The following TRIM14 variants were observed in gnomAD, a reference collection of about 807,000 sequenced individuals.
TRIM14 encodes the protein tripartite motif-containing protein 14.
A neutral mutation model predicts 44.5 loss-of-function variants in TRIM14; 28 were observed. The ratio of observed to expected loss-of-function variants is 0.63; its 90% CI spans 0.47 to 0.86. TRIM14 has a LOEUF of 0.86. TRIM14 is among the 40% of genes least tolerant of loss of function. TRIM14 has a pLI of 0.00. For synonymous variants in TRIM14, 299 were observed against 269.2 expected, an observed-to-expected ratio of 1.11 and a Z score of -1.08; for missense variants, 607 against 611.1, an observed-to-expected ratio of 0.99 and a Z score of 0.07.
chr9:98,119,055 G>T lies in TRIM14; in HGVS notation c.134C>A (p.Ala45Glu). The part of the protein sequence containing the change: ...FCRRCRRCVC[A>E]LCPVLGAHRG... ...GTGCGCGCCCAGCACCGGGCAAAGC[G>T]CGCACACGCAGCGGCGGCAGCGGCG... is the stretch of plus-strand genomic sequence containing the variant. Residue 45 changes from alanine (A) to glutamate (E), a missense_variant, in exon 1 of 6, where the codon GCG becomes GAG. By Grantham distance (107) the Ala-to-Glu change is moderately radical. Around this residue, in one of 3 missense-constraint regions of TRIM14, gnomAD observed 246 missense variants for 270.8 expected, o/e 0.91. Coordinates refer to ENST00000341469, the MANE Select transcript of TRIM14 (RefSeq NM_014788.4). 1 of 1,580,590 alleles carries T rather than the reference G, an allele frequency of 6.3e-7. No individual in the cohort carries two copies. The highest frequency in any genetic ancestry group is 8.5e-7 in the Non-Finnish European group (1 of 1,173,120).
downstream of TRIM14, chr9:98,081,611 G>A (rs1829866022): frequency 6.5e-6 from 1 of 153,330 alleles, no homozygotes; most frequent in South Asian, 2.0e-4. Flanking sequence ...CAGAGGAACT[G>A]GTGGGCCTAG....
chr9:98,040,527 C>T, the TRIM14 span, among the ~76,000 whole-genome samples: 3 of 151,972 alleles, frequency 2.0e-5, no homozygotes, highest in African/African-American at 7.2e-5. Flanking sequence ...CGCTCTCCTG[C>T]AGCAGTTGGG....
chr9:98,043,294 C>T, the TRIM14 span, among the ~76,000 whole-genome samples: 1 of 152,086 alleles, frequency 6.6e-6, no homozygotes, highest in Non-Finnish European at 1.5e-5. Flanking sequence ...TCTTCCGCCT[C>T]AGCCTCCCGA....
chr9:98,063,667 G>A, the TRIM14 span, among the ~76,000 whole-genome samples: 1 of 151,562 alleles, frequency 6.6e-6, no homozygotes, highest in Admixed American at 6.6e-5. Context: ...TCAGCCTGCT[G>A]AGTAGCTGGG....
In TRIM14 at chr9:98,118,973, C is replaced by A; in HGVS notation, c.207+9G>T. 3 of 1,523,940 alleles carry A rather than the reference C, an allele frequency of 2.0e-6. No homozygotes were observed. The highest frequency in any genetic ancestry group is 1.7e-6 in the Non-Finnish European group (2 of 1,144,620). 94.4% of individuals were successfully genotyped at this position (1,523,940 alleles called of 1,614,324 possible). ...CCCGCGCGGCGAACCCCGTCCCCAT[C>A]GTCCCCACCTGCACGTGCACCGCTG... On this transcript the variant is annotated intron_variant, in intron 1 of 5. Coordinates refer to ENST00000341469, the MANE Select transcript of TRIM14 (RefSeq NM_014788.4).
At position 98,118,976 on chromosome 9, in the gene TRIM14, C is replaced by A. The variant is rs1338129205; in HGVS notation, c.207+6G>T. 2 of 1,533,336 alleles carry A rather than the reference C, an allele frequency of 1.3e-6. No homozygotes were observed. Among genetic ancestry groups the A allele is most frequent in the Non-Finnish European group, 1.7e-6 (2 of 1,149,220 alleles). 95.0% of individuals were successfully genotyped at this position (1,533,336 alleles called of 1,614,324 possible). ...GCGCGGCGAACCCCGTCCCCATCGTCCCCACCTGCACGTGCACCGCTGCCT... is the reference window on the plus strand; with the variant it reads ...GCGCGGCGAACCCCGTCCCCATCGTACCCACCTGCACGTGCACCGCTGCCT... On this transcript the variant is annotated splice_donor_region_variant and intron_variant, in intron 1 of 5. Transcript: ENST00000341469.
chr9:98,038,775 G>A, the TRIM14 span, among the ~76,000 whole-genome samples: 1 of 152,138 alleles, frequency 6.6e-6, no homozygotes, highest in African/African-American at 2.4e-5. Context: ...ACACGGCCAG[G>A]TGTGGTGGCT....
intron 6 of TRIM14, chr9:98,078,465 C>T: frequency 2.3e-6 from 3 of 1,294,012 alleles, no homozygotes; most frequent in Non-Finnish European, 3.2e-6. Flanking sequence ...CATCCTTTGA[C>T]AGTCTTGCTG....
At chr9:98,076,883 ATGGT>A in intron 6 of TRIM14, 1 of 1,534,734 alleles carries the variant, frequency 6.5e-7, no homozygotes, top group Non-Finnish European at 9.0e-7. Flanking sequence ...TTTTTGGACA[ATGGT>A]GAAAAGGAGC....
At position 98,095,301 on chromosome 9, in the gene TRIM14, C is replaced by T. The variant is rs1564178029; in HGVS notation, c.538-272G>A. ...CCTTCCTCCTTTCCTTCCTTCCTTA[C>T]GTGTTCATTGAAACCTACTCTGTGC... On this transcript the variant is annotated intron_variant, in intron 3 of 5. Coordinates refer to ENST00000341469, the MANE Select transcript of TRIM14 (RefSeq NM_014788.4). This position sits in a 1 kb window ranked among gnomAD's most constrained non-coding sequence, Gnocchi z 4.1. 6.6e-6 allele frequency among the ~76,000 whole-genome samples: 1 copy of T among 152,228 alleles called. No individual in the cohort carries two copies. The highest frequency in any genetic ancestry group is 1.9e-4 in the East Asian group (1 of 5,194).
At position 98,091,917 on chromosome 9, in the gene TRIM14, A is replaced by C; in HGVS notation, c.785T>G (p.Leu262Trp). The change falls in exon 5 of 6, where the codon TTG becomes TGG. Residue 262 changes from leucine (L) to tryptophan (W), a missense_variant. Around this residue, in one of 3 missense-constraint regions of TRIM14, gnomAD observed 356 missense variants for 323.0 expected, o/e 1.10. Transcript: ENST00000341469. ...ACTCCCGGGGGTCTTACATTTCAGC[A>C]ATAGCGATCGCTCTGGTGAGGGGCT... Reference protein sequence around the residue: ...KTSPSPERSLLLKYARTPTLD... With the variant: ...KTSPSPERSLWLKYARTPTLD... The C allele has an allele frequency of 6.2e-7, 1 of 1,600,378 alleles. No homozygotes were observed.
chr9:98,075,313 G>A (rs528672744), intron 6 of TRIM14: 1 of 136,550 alleles, frequency 7.3e-6, no homozygotes, highest in African/African-American at 3.1e-5. Context: ...AAGATGGAAG[G>A]GGAAAAGAGA....
intron 2 of TRIM14, among the ~76,000 whole-genome samples, chr9:98,107,061 G>A (rs1177888222): frequency 6.6e-6 from 1 of 151,866 alleles, no homozygotes; most frequent in African/African-American, 2.4e-5. Context: ...TAGCTACTGG[G>A]GGAATGCAAA....
chr9:98,045,270 A>G, the TRIM14 span, among the ~76,000 whole-genome samples: 1 of 151,224 alleles, frequency 6.6e-6, no homozygotes, highest in Non-Finnish European at 1.5e-5. Context: ...TCACATGCCA[A>G]GGTCAAATCC....
At chr9:98,088,958 T>C (rs569731718) in intron 5 of TRIM14, among the ~76,000 whole-genome samples, 7 of 152,158 alleles carry the variant, frequency 4.6e-5, no homozygotes, top group African/African-American at 1.7e-4. Flanking sequence ...GATCACAGGG[T>C]ATGTGGATAT....
At chr9:98,049,504 G>A in the TRIM14 span, among the ~76,000 whole-genome samples, 2 of 152,122 alleles carry the variant, frequency 1.3e-5, no homozygotes, top group African/African-American at 4.8e-5. Context: ...TTCTGGAACT[G>A]AGAGTTCTTC....
At chr9:98,056,791 G>A in the TRIM14 span, 1 of 1,609,636 alleles carries the variant, frequency 6.2e-7, no homozygotes, top group South Asian at 1.1e-5. Context: ...GTGAGGCTTT[G>A]GACCCCGAGC....
intron 2 of TRIM14, among the ~76,000 whole-genome samples, chr9:98,108,396 TA>T (rs1318304462): frequency 2.6e-5 from 4 of 152,104 alleles, no homozygotes; most frequent in South Asian, 2.1e-4. Context: ...GTTTTTTGGA[TA>T]TTTTTTTTTT....
chr9:98,065,740 T>C (rs2131627974), downstream of TRIM14, among the ~76,000 whole-genome samples: 1 of 152,036 alleles, frequency 6.6e-6, no homozygotes, highest in South Asian at 2.1e-4. Flanking sequence ...CCACGTGTTG[T>C]GGGAGGGACC....
Sources: allele counts gnomAD v4.1 joint callset (sites outside exome capture counted in the v4.1 genomes callset), GRCh38; gene constraint gnomAD v4.1.1; regional missense constraint gnomAD v4.1.1; non-coding constraint Gnocchi (gnomAD v3.1); transcripts MANE v1.5; gene names NCBI Gene and HGNC (gene_info 2026-07-23, HGNC 2026-07-21).